MCTP1: variants seen among roughly 807,000 people sequenced by gnomAD.
MCTP1 encodes multiple C2 and transmembrane domain-containing protein 1.
MCTP1 carries 69 observed loss-of-function variants against 120.6 expected under a neutral mutation model. That is an observed-to-expected ratio of 0.57 (90% CI 0.47 to 0.70). MCTP1 has a LOEUF of 0.70. MCTP1 is among the 30% of genes least tolerant of loss of function. MCTP1 has a pLI of 0.00. For missense variants in MCTP1, 1,203 were observed against 1,248.8 expected (o/e 0.96, Z 0.55); for synonymous variants, 529 against 493.1 (o/e 1.07, Z -0.96).
At chr5:94,861,358 A>T (rs1223746169) in intron 17 of MCTP1, among the ~76,000 whole-genome samples, 7 of 151,860 alleles carry the variant, frequency 4.6e-5, no homozygotes, top group African/African-American at 1.7e-4. Flanking sequence ...ATTGTAACGA[A>T]TATCTGCACA....
In MCTP1 at chr5:95,095,005, G is replaced by GTTTTTTTTTTTT. The variant is rs1562138448; in HGVS notation, c.721-77522_721-77521insAAAAAAAAAAAA. 1.1e-4 allele frequency among the ~76,000 whole-genome samples: 9 copies of GTTTTTTTTTTTT among 79,538 alleles called. 1 individual carries two copies. Among genetic ancestry groups the GTTTTTTTTTTTT allele is most frequent in the African/African-American group, 4.5e-4 (9 of 19,890 alleles). The allele number at this position is 79,538 out of a possible 152,430, so 52.2% of individuals were successfully genotyped here. On this transcript the variant is annotated intron_variant, in intron 1 of 22. Transcript: ENST00000515393. ...ATTTTTTCTTTTATTTGTTATGTTA[G>GTTTTTTTTTTTT]ATTTTTTTTTTTTTTTTTTTTTTTT...
At chr5:94,849,014 A>T (rs78733740) in intron 17 of MCTP1, among the ~76,000 whole-genome samples, 2,378 of 152,060 alleles carry the variant, frequency 0.016, 41 homozygotes, top group Non-Finnish European at 0.021. Flanking sequence ...GATCTTCCAT[A>T]TTAAAAAATA....
At chr5:94,866,506 T>G (rs1410484641) in intron 17 of MCTP1, among the ~76,000 whole-genome samples, 1 of 151,368 alleles carries the variant, frequency 6.6e-6, no homozygotes, top group Non-Finnish European at 1.5e-5. Context: ...ACCATCCGTG[T>G]CAGCAGGCCC....
chr5:94,972,921 G>C (rs1475123184), intron 2 of MCTP1, among the ~76,000 whole-genome samples: 1 of 151,442 alleles, frequency 6.6e-6, no homozygotes, highest in Non-Finnish European at 1.5e-5. Context: ...GAAAGGCAAA[G>C]TCCACTAAAT....
At chr5:94,755,046 G>C (rs1336692460) in intron 19 of MCTP1, among the ~76,000 whole-genome samples, 1 of 152,104 alleles carries the variant, frequency 6.6e-6, no homozygotes, top group Non-Finnish European at 1.5e-5. Context: ...CAGTGACTTG[G>C]GCATTTGTCC....
At chr5:95,204,007 C>A (rs1308653801) in intron 1 of MCTP1, among the ~76,000 whole-genome samples, 4 of 152,132 alleles carry the variant, frequency 2.6e-5, no homozygotes, top group Non-Finnish European at 5.9e-5. Flanking sequence ...TTGGCAAATG[C>A]ATTTCTGCTT....
At chr5:94,774,361 G>A (rs1013932714) in intron 19 of MCTP1, among the ~76,000 whole-genome samples, 1 of 151,384 alleles carries the variant, frequency 6.6e-6, no homozygotes, top group African/African-American at 2.4e-5. Flanking sequence ...AAAGGAACTT[G>A]TCTCTTCCTG....
intron 6 of MCTP1, among the ~76,000 whole-genome samples, chr5:94,925,743 T>G (rs1254139793): frequency 6.6e-6 from 1 of 152,110 alleles, no homozygotes; most frequent in Non-Finnish European, 1.5e-5. Flanking sequence ...AAGTATAAAG[T>G]ACCAGCAAAG....
chr5:94,764,885 G>C (rs1291457040), intron 19 of MCTP1, among the ~76,000 whole-genome samples: 1 of 136,484 alleles, frequency 7.3e-6, no homozygotes, highest in Non-Finnish European at 1.6e-5. Flanking sequence ...CCACACTGTA[G>C]ACCAAATGGA....
chr5:95,189,786 A>AT (rs749015660), intron 1 of MCTP1, among the ~76,000 whole-genome samples: 14 of 152,110 alleles, frequency 9.2e-5, no homozygotes, highest in Non-Finnish European at 1.6e-4. Flanking sequence ...TAATTTGCAT[A>AT]TTTTTCCATG....
chr5:94,823,044 A>C (rs968061884), intron 17 of MCTP1, among the ~76,000 whole-genome samples: 1 of 151,960 alleles, frequency 6.6e-6, no homozygotes, highest in Non-Finnish European at 1.5e-5. Flanking sequence ...CAGGAGCTCT[A>C]TGGTTTAATT....
At chr5:94,830,260 A>T (rs1304960024) in intron 17 of MCTP1, among the ~76,000 whole-genome samples, 1 of 152,150 alleles carries the variant, frequency 6.6e-6, no homozygotes, top group Admixed American at 6.5e-5. Context: ...TTAGAAACTC[A>T]CTCTCAAGAA....
intron 17 of MCTP1, among the ~76,000 whole-genome samples, chr5:94,813,278 C>T (rs1251659121): frequency 6.6e-6 from 1 of 152,190 alleles, no homozygotes; most frequent in Non-Finnish European, 1.5e-5. Context: ...TACCACTTCA[C>T]ACCCACTAGA....
intron 1 of MCTP1, among the ~76,000 whole-genome samples, chr5:95,150,555 TAAC>T (rs1192779793): frequency 1.3e-5 from 2 of 152,206 alleles, no homozygotes; most frequent in African/African-American, 2.4e-5. Context: ...AAGTTAAAAT[TAAC>T]AACAACAAAA....
chr5:95,126,890 C>G (rs1758673731), intron 1 of MCTP1, among the ~76,000 whole-genome samples: 2 of 152,066 alleles, frequency 1.3e-5, no homozygotes, highest in Non-Finnish European at 2.9e-5. Flanking sequence ...AAAAGCAAAT[C>G]TATTTTCCCT....
intron 17 of MCTP1, among the ~76,000 whole-genome samples, chr5:94,811,697 C>T (rs1169377227): frequency 3.3e-5 from 5 of 152,116 alleles, no homozygotes; most frequent in African/African-American, 7.2e-5. Flanking sequence ...CAAATTAGTC[C>T]GCAAAACAGA....
chr5:94,845,531 A>AT (rs59042882), intron 17 of MCTP1, among the ~76,000 whole-genome samples: 2 of 151,750 alleles, frequency 1.3e-5, no homozygotes, highest in African/African-American at 4.9e-5. Flanking sequence ...GGACATGAAC[A>AT]TTTTTTTTTG....
intron 2 of MCTP1, among the ~76,000 whole-genome samples, chr5:94,992,295 T>G (rs188482975): frequency 2.8e-4 from 42 of 150,378 alleles, no homozygotes; most frequent in Admixed American, 5.9e-4. Context: ...ATGTTGAGGA[T>G]GATGATGATG....
intron 2 of MCTP1, chr5:94,980,808 T>G (rs1189430997): frequency 6.6e-6 from 1 of 152,152 alleles, no homozygotes. Context: ...AAAGTTTTTT[T>G]CGTTTTAAAA....
Sources: allele counts gnomAD v4.1 joint callset (sites outside exome capture counted in the v4.1 genomes callset), GRCh38; gene constraint gnomAD v4.1.1; transcripts MANE v1.5; gene names NCBI Gene and HGNC (gene_info 2026-07-23, HGNC 2026-07-21).